BFSP2: variants seen among roughly 807,000 people sequenced by gnomAD.
BFSP2 encodes beaded filament structural protein 2.
A neutral mutation model predicts 44.9 loss-of-function variants in BFSP2; 38 were observed. That is an observed-to-expected ratio of 0.85 (90% CI 0.65 to 1.11). The LOEUF is 1.11. Ranked by LOEUF, BFSP2 falls within the 50% of genes least tolerant of loss-of-function variation. BFSP2 has a pLI of 0.00. For missense variants in BFSP2, 525 were observed against 533.0 expected (o/e 0.99, Z 0.15); for synonymous variants, 197 against 209.9 (o/e 0.94, Z 0.53).
intron 4 of BFSP2, among the ~76,000 whole-genome samples, chr3:133,457,149 C>A (rs577886354): frequency 2.6e-5 from 4 of 152,196 alleles, no homozygotes; most frequent in Non-Finnish European, 5.9e-5. Flanking sequence ...AAAAGCAGGA[C>A]GCCTGACAGC....
intron 1 of BFSP2, among the ~76,000 whole-genome samples, chr3:133,432,996 T>G (rs1310726151): frequency 1.3e-5 from 2 of 151,830 alleles, no homozygotes; most frequent in African/African-American, 2.4e-5. Context: ...CTCAACTCAC[T>G]CTCTACATTT....
In BFSP2 at chr3:133,475,045, C is replaced by A; in HGVS notation, c.*73C>A. 2 of 1,582,930 alleles carry A rather than the reference C, an allele frequency of 1.3e-6. No homozygotes were observed. Among genetic ancestry groups the A allele is most frequent in the Non-Finnish European group, 8.7e-7 (1 of 1,151,608 alleles). On this transcript the variant is annotated 3_prime_UTR_variant, in exon 7 of 7. Transcript: ENST00000302334. ...CTGACCCAAGAAGTTGCTTGAGGAG[C>A]TTTCTCCTGAGCTCCAGTCCCTGCT... is the stretch of plus-strand genomic sequence containing the variant.
chr3:133,439,344 G>A (rs532543348), intron 1 of BFSP2, among the ~76,000 whole-genome samples: 1 of 152,210 alleles, frequency 6.6e-6, no homozygotes, highest in Admixed American at 6.5e-5. Flanking sequence ...CAGCTAGCTT[G>A]CTTAGTCTAT....
intron 1 of BFSP2, among the ~76,000 whole-genome samples, chr3:133,437,239 T>G (rs1268803448): frequency 6.6e-6 from 1 of 152,182 alleles, no homozygotes; most frequent in African/African-American, 2.4e-5. Context: ...GAAAAGGAAC[T>G]GAGGGCTGGG....
At chr3:133,414,693 CT>C (rs2073493822) in intron 1 of BFSP2, among the ~76,000 whole-genome samples, 1 of 139,248 alleles carries the variant, frequency 7.2e-6, no homozygotes, top group South Asian at 2.5e-4. Context: ...ACCCTGCCAT[CT>C]CTGCTCTACT....
chr3:133,410,777 G>C (rs1473034116), intron 1 of BFSP2: 1 of 210,590 alleles, frequency 4.7e-6, no homozygotes, highest in Non-Finnish European at 1.1e-5. Flanking sequence ...GCACAAATGA[G>C]CTGCAGCCCA....
Position 133,438,178 on chromosome 3 carries a change from T to C in BFSP2, c.490-9139T>C, listed in dbSNP as rs905862355. Among the ~76,000 whole-genome samples, 25 of 152,294 alleles carry C rather than the reference T, an allele frequency of 1.6e-4. 1 individual carries two copies. Among genetic ancestry groups the C allele is most frequent in the Admixed American group, 1.0e-3 (16 of 15,294 alleles). The stretch of plus-strand genomic sequence containing the variant: ...TTGTCAGCTAGAAGTCAGTAAACGA[T>C]GTCTGTGGCAGATAACTTGAGCAAT... On this transcript the variant is annotated intron_variant, in intron 1 of 6. Transcript: ENST00000302334.
In BFSP2 at chr3:133,475,139, T is replaced by A; in HGVS notation, c.*167T>A. 1.1e-6 allele frequency: 1 copy of A among 907,204 alleles called. No individual in the cohort carries two copies. The highest frequency in any genetic ancestry group is 1.8e-6 in the Non-Finnish European group (1 of 563,296). 56.2% of individuals were successfully genotyped at this position (907,204 alleles called of 1,614,324 possible). A position where few individuals can be genotyped will look rare whatever the true frequency, so the allele number is the denominator to read the frequency against. On this transcript the variant is annotated 3_prime_UTR_variant, in exon 7 of 7. Coordinates refer to ENST00000302334, the MANE Select transcript of BFSP2 (RefSeq NM_003571.4). ...AGTGGAGAGGATCCTTCTGCTTTAATCTGAGTAGTCTGTAGCTTGAGCAAT... is the reference window on the plus strand; with the variant it reads ...AGTGGAGAGGATCCTTCTGCTTTAAACTGAGTAGTCTGTAGCTTGAGCAAT...
At chr3:133,425,659 C>T (rs564194913) in intron 1 of BFSP2, among the ~76,000 whole-genome samples, 116 of 151,960 alleles carry the variant, frequency 7.6e-4, no homozygotes, top group African/African-American at 2.7e-3. Flanking sequence ...AAGCACCTAG[C>T]AAGGATGCTG....
At position 133,400,323 on chromosome 3, in the gene BFSP2, C is replaced by G; in HGVS notation, c.240C>G (p.Ile80Met). Reference sequence around the variant, plus strand: ...GTGTGACCCGCCGGGCCCTCGGCATCAGCAGTGTCTTCCTTCAGGGCCTGC... The same window carrying G: ...GTGTGACCCGCCGGGCCCTCGGCATGAGCAGTGTCTTCCTTCAGGGCCTGC... ...GARVTRRALGISSVFLQGLRS... is the reference protein window; with the variant it reads ...GARVTRRALGMSSVFLQGLRS... Residue 80 changes from isoleucine (I) to methionine (M), a missense_variant, in exon 1 of 7, where the codon ATC (isoleucine) becomes ATG (methionine). Transcript: ENST00000302334. The surrounding 1 kb of genome is among the most constrained non-coding windows in gnomAD (Gnocchi z 4.0). The G allele has an allele frequency of 6.2e-7, 1 of 1,614,038 alleles. No individual in the cohort carries two copies. The highest frequency in any genetic ancestry group is 1.1e-5 in the South Asian group (1 of 91,090).
At chr3:133,408,835 A>G (rs2073425208) in intron 1 of BFSP2, among the ~76,000 whole-genome samples, 1 of 152,232 alleles carries the variant, frequency 6.6e-6, no homozygotes, top group Non-Finnish European at 1.5e-5. Context: ...AAAATGGAAT[A>G]AAACAAACCA....
chr3:133,470,760 T>C (rs1215194074), intron 5 of BFSP2, among the ~76,000 whole-genome samples: 1 of 152,184 alleles, frequency 6.6e-6, no homozygotes, highest in Non-Finnish European at 1.5e-5. Context: ...CTTCCAAGTC[T>C]CACCATCTGG....
chr3:133,427,728 T>C (rs2073667005), intron 1 of BFSP2, among the ~76,000 whole-genome samples: 2 of 152,202 alleles, frequency 1.3e-5, no homozygotes, highest in African/African-American at 4.8e-5. Flanking sequence ...TCAATTGAGG[T>C]TATGTTTCTG....
At chr3:133,432,192 T>C (rs916346732) in intron 1 of BFSP2, among the ~76,000 whole-genome samples, 3 of 152,138 alleles carry the variant, frequency 2.0e-5, no homozygotes, top group African/African-American at 7.2e-5. Flanking sequence ...CTATAAACTC[T>C]CCTTACAATT....
chr3:133,439,532 G>A (rs563094423), intron 1 of BFSP2, among the ~76,000 whole-genome samples: 75 of 152,344 alleles, frequency 4.9e-4, no homozygotes, highest in African/African-American at 1.8e-3. Context: ...ACCACAGTGA[G>A]TATGGGGAGT....
At chr3:133,428,570 C>T (rs988085388) in intron 1 of BFSP2, among the ~76,000 whole-genome samples, 5 of 152,186 alleles carry the variant, frequency 3.3e-5, no homozygotes, top group Non-Finnish European at 4.4e-5. Flanking sequence ...TGTGATCTGC[C>T]GTAAGCCTCA....
chr3:133,430,661 G>A (rs1340263899), intron 1 of BFSP2, among the ~76,000 whole-genome samples: 5 of 151,992 alleles, frequency 3.3e-5, no homozygotes, highest in Non-Finnish European at 2.9e-5. Flanking sequence ...ATTCTTTTAC[G>A]CATCGGTCCC....
intron 1 of BFSP2, among the ~76,000 whole-genome samples, chr3:133,426,820 C>T (rs1235873181): frequency 3.3e-5 from 5 of 152,180 alleles, no homozygotes; most frequent in South Asian, 2.1e-4. Context: ...TGACACCCTA[C>T]GTGATATGGG....
intron 1 of BFSP2, among the ~76,000 whole-genome samples, chr3:133,408,702 A>G (rs547986472): frequency 6.6e-6 from 1 of 152,380 alleles, no homozygotes; most frequent in African/African-American, 2.4e-5. Flanking sequence ...CTATGGAGTG[A>G]TGATCTCCAG....
Sources: allele counts gnomAD v4.1 joint callset (sites outside exome capture counted in the v4.1 genomes callset), GRCh38; gene constraint gnomAD v4.1.1; non-coding constraint Gnocchi (gnomAD v3.1); transcripts MANE v1.5; gene names NCBI Gene and HGNC (gene_info 2026-07-23, HGNC 2026-07-21).